Variants in PSD3 observed in about 807,000 individuals in gnomAD.
PSD3 encodes PH and SEC7 domain-containing protein 3.
PSD3 carries 49 observed loss-of-function variants against 105.5 expected under a neutral mutation model. That is an observed-to-expected ratio of 0.46 (90% confidence interval 0.37 to 0.59). The LOEUF (loss-of-function observed/expected upper bound fraction) is 0.59. PSD3 is among the 20% of genes least tolerant of loss of function. The probability of loss-of-function intolerance (pLI) is 0.00; values close to 1 mark genes in which losing one functional copy is unlikely to be tolerated. For missense variants in PSD3, 1,561 were observed against 1,263.8 expected (o/e 1.24, Z -3.57); for synonymous variants, 557 against 457.8 (o/e 1.22, Z -2.77).
rs200750697 is a variant in PSD3, at chr8:18,871,743, G to C, written c.1121C>G (p.Thr374Ser). ...CACAGGGGAAAATGTCCCCGAGCTAGTGCCAGGCCTCTCTGAAGGAGCTTT... is the reference window on the plus strand; with the variant it reads ...CACAGGGGAAAATGTCCCCGAGCTACTGCCAGGCCTCTCTGAAGGAGCTTT... ...SWKAPSERPG[T>S]SSGTFSPVRL... The change falls in exon 3 of 16, where the codon ACT becomes AGT. Residue 374 changes from threonine (T) to serine (S), a missense_variant. Thr to Ser is a moderately conservative substitution (Grantham distance 58). Transcript: ENST00000327040. 6 of 1,614,066 alleles carry C rather than the reference G, an allele frequency of 3.7e-6. No individual in the cohort carries two copies. In the African/African-American group the frequency reaches 6.7e-5, roughly 18 times the overall value.
chr8:18,662,392 T>C (rs994442575), intron 9 of PSD3, among the ~76,000 whole-genome samples: 2 of 152,204 alleles, frequency 1.3e-5, no homozygotes, highest in African/African-American at 4.8e-5. Context: ...GAAGAATTAG[T>C]CAGCTAATGG....
intron 9 of PSD3, among the ~76,000 whole-genome samples, chr8:18,673,564 G>C (rs1002566993): frequency 6.6e-6 from 1 of 152,074 alleles, no homozygotes; most frequent in South Asian, 2.1e-4. Context: ...TTCTATCTCC[G>C]GCACAGCTGT....
intron 8 of PSD3, among the ~76,000 whole-genome samples, chr8:18,787,292 C>T (rs1257909790): frequency 6.6e-6 from 1 of 152,140 alleles, no homozygotes; most frequent in Admixed American, 6.5e-5. Context: ...TTTTAAATTT[C>T]TTCCCATTAA....
intron 10 of PSD3, among the ~76,000 whole-genome samples, chr8:18,642,882 T>A (rs550511026): frequency 6.6e-6 from 1 of 152,310 alleles, no homozygotes; most frequent in South Asian, 2.1e-4. Flanking sequence ...AAGAACTGGG[T>A]GGCAAATCTT....
intron 1 of PSD3, among the ~76,000 whole-genome samples, chr8:19,060,341 T>A (rs1828854362): frequency 6.6e-6 from 1 of 152,226 alleles, no homozygotes; most frequent in Non-Finnish European, 1.5e-5. Context: ...TATATAGGTA[T>A]CTACAGTTTA....
At chr8:18,811,966 T>C (rs1811726579) in intron 4 of PSD3, among the ~76,000 whole-genome samples, 1 of 152,224 alleles carries the variant, frequency 6.6e-6, no homozygotes, top group Non-Finnish European at 1.5e-5. Context: ...GAAAAAACAA[T>C]ACATACAAAT....
At chr8:19,074,297 T>A (rs1342553442) in intron 1 of PSD3, among the ~76,000 whole-genome samples, 1 of 152,000 alleles carries the variant, frequency 6.6e-6, no homozygotes, top group Non-Finnish European at 1.5e-5. Context: ...GGTGGCCTTA[T>A]TCAGTTGCCA....
intron 9 of PSD3, among the ~76,000 whole-genome samples, chr8:18,759,100 T>A (rs980060357): frequency 8.7e-5 from 12 of 137,644 alleles, no homozygotes; most frequent in East Asian, 5.7e-4. Flanking sequence ...ACACTCTCTC[T>A]CTCTCTCTCT....
intron 9 of PSD3, among the ~76,000 whole-genome samples, chr8:18,698,517 G>A (rs1260477692): frequency 6.6e-6 from 1 of 152,070 alleles, no homozygotes; most frequent in African/African-American, 2.4e-5. Context: ...GAGAAAGGGG[G>A]TCATGAATCA....
chr8:19,082,439 A>G (rs897646376), intron 1 of PSD3, among the ~76,000 whole-genome samples: 1 of 152,220 alleles, frequency 6.6e-6, no homozygotes, highest in African/African-American at 2.4e-5. Flanking sequence ...CAGTGTTTTC[A>G]TGGTGGAAAA....
chr8:18,550,996 T>C (rs1377032666), intron 15 of PSD3, among the ~76,000 whole-genome samples: 1 of 152,172 alleles, frequency 6.6e-6, no homozygotes, highest in Non-Finnish European at 1.5e-5. Flanking sequence ...TTGCTTTCGC[T>C]AGGAAGACCA....
chr8:18,747,050 G>A (rs930230679), intron 9 of PSD3, among the ~76,000 whole-genome samples: 6 of 152,162 alleles, frequency 3.9e-5, no homozygotes, highest in African/African-American at 1.4e-4. Flanking sequence ...TGTCACCTTT[G>A]TTCATATGAG....
chr8:19,036,433 G>T (rs1827946016), intron 1 of PSD3, among the ~76,000 whole-genome samples: 1 of 152,022 alleles, frequency 6.6e-6, no homozygotes, highest in Non-Finnish European at 1.5e-5. Context: ...AGTCTTGGAG[G>T]TCCCATAGCT....
chr8:18,816,535 T>A (rs1246436432), intron 4 of PSD3, among the ~76,000 whole-genome samples: 1 of 152,258 alleles, frequency 6.6e-6, no homozygotes, highest in African/African-American at 2.4e-5. Context: ...GACATCTGTA[T>A]ATGTGTTTAC....
intron 10 of PSD3, among the ~76,000 whole-genome samples, chr8:18,648,543 A>C (rs2130825243): frequency 6.6e-6 from 1 of 152,332 alleles, no homozygotes; most frequent in Non-Finnish European, 1.5e-5. Context: ...CGAGCAAATA[A>C]ATGACATAAA....
In PSD3 at chr8:18,809,019, A is replaced by G. The variant is rs567005662; in HGVS notation, c.1635-4121T>C. 2.9e-6 allele frequency: 3 copies of G among 1,047,442 alleles called. No homozygotes were observed. The South Asian group carries it at 6.4e-5, about 22-fold the overall frequency. The allele number at this position is 1,047,442 out of a possible 1,614,324, so 64.9% of individuals were successfully genotyped here. A position where few individuals can be genotyped will look rare whatever the true frequency, so the allele number is the denominator to read the frequency against. On this transcript the variant is annotated intron_variant, in intron 4 of 15. Coordinates refer to ENST00000327040, the MANE Select transcript of PSD3 (RefSeq NM_015310.4). ...AGCCAGAACACAAGGGCCACTGTCT[A>G]TCGAGAACGTAAGAAACAGTGAGCC...
At chr8:19,059,061 G>A in intron 1 of PSD3, among the ~76,000 whole-genome samples, 1 of 152,224 alleles carries the variant, frequency 6.6e-6, no homozygotes, top group East Asian at 1.9e-4. Context: ...CTGGTTAGCT[G>A]TATTGAGGCT....
At chr8:19,066,182 C>CCCAACTGGTAGGTACTA (rs1471770540) in intron 1 of PSD3, among the ~76,000 whole-genome samples, 14 of 152,228 alleles carry the variant, frequency 9.2e-5, no homozygotes, top group Non-Finnish European at 1.3e-4. Context: ...AAAAGCAGTT[C>CCCAACTGGTAGGTACTA]CCAACTGGTA....
chr8:18,593,144 G>C (rs6997207), intron 12 of PSD3, among the ~76,000 whole-genome samples: 5,543 of 152,158 alleles, frequency 0.036, 295 homozygotes, highest in East Asian at 0.22. Flanking sequence ...AAACTAAAGA[G>C]CTTCTGCACA....
Sources: allele counts gnomAD v4.1 joint callset (sites outside exome capture counted in the v4.1 genomes callset), GRCh38; gene constraint gnomAD v4.1.1; transcripts MANE v1.5; gene names NCBI Gene and HGNC (gene_info 2026-07-23, HGNC 2026-07-21).